GRIP1: variants seen among roughly 807,000 people sequenced by gnomAD.
GRIP1 encodes glutamate receptor-interacting protein 1.
GRIP1 carries 45 observed loss-of-function variants against 129.9 expected under a neutral mutation model. The observed-to-expected ratio is 0.35, with a 90% confidence interval of 0.27 to 0.44. The LOEUF is 0.44. GRIP1 is among the 20% of genes least tolerant of loss of function. The pLI, the probability that GRIP1 is intolerant of heterozygous loss-of-function variation, is 1.00. For synonymous variants in GRIP1, 530 were observed against 520.8 expected, an observed-to-expected ratio of 1.02 and a Z score of -0.24; for missense variants, 1,196 against 1,396.8, an observed-to-expected ratio of 0.86 and a Z score of 2.29.
rs141175058 is a variant in GRIP1 at position 66,446,574 on chromosome 12, C to A, written c.1355-1066G>T. Among the ~76,000 whole-genome samples, 137 of 152,308 alleles carry A rather than the reference C, an allele frequency of 9.0e-4. 1 individual carries two copies. Among genetic ancestry groups the A allele is most frequent in the African/African-American group, 3.2e-3 (131 of 41,562 alleles). On this transcript the variant is annotated intron_variant, in intron 11 of 24. Coordinates refer to ENST00000359742, the MANE Select transcript of GRIP1 (RefSeq NM_001366722.1). ...CTACTCCTATTTAAAATTCCATATTCTGTACTTATTTCTGCTCTGTCTCAT... is the reference window on the plus strand; with the variant it reads ...CTACTCCTATTTAAAATTCCATATTATGTACTTATTTCTGCTCTGTCTCAT...
At chr12:66,650,253 TG>T (rs75370843) in intron 1 of GRIP1, among the ~76,000 whole-genome samples, 6,787 of 152,234 alleles carry the variant, frequency 0.045, 200 homozygotes, top group East Asian at 0.12. Flanking sequence ...AAAGATCTTA[TG>T]GGCCCAAGTC....
At chr12:66,353,157 A>G (rs1168314) in intron 24 of GRIP1, among the ~76,000 whole-genome samples, 76,539 of 151,880 alleles carry the variant, frequency 0.5, 19,836 homozygotes, top group East Asian at 0.58. Flanking sequence ...GTTGGGTGAA[A>G]TCTGTGAGAT....
chr12:66,536,379 C>A (rs1388938266), intron 4 of GRIP1, among the ~76,000 whole-genome samples: 1 of 152,126 alleles, frequency 6.6e-6, no homozygotes, highest in Non-Finnish European at 1.5e-5. Flanking sequence ...TATAGTGATA[C>A]CCCACCCCCT....
chr12:66,714,363 T>A (rs1477949715), intron 1 of GRIP1, among the ~76,000 whole-genome samples: 1 of 152,018 alleles, frequency 6.6e-6, no homozygotes, highest in Non-Finnish European at 1.5e-5. Flanking sequence ...ACTATAAGAG[T>A]TAATGGAAAT....
chr12:66,801,901 C>T (rs1368394476), intron 1 of GRIP1, among the ~76,000 whole-genome samples: 2 of 152,106 alleles, frequency 1.3e-5, no homozygotes, highest in African/African-American at 4.8e-5. Flanking sequence ...TCGAGAAACA[C>T]ATGGGGTATA....
intron 1 of GRIP1, among the ~76,000 whole-genome samples, chr12:66,895,478 T>C (rs2040732061): frequency 6.6e-6 from 1 of 152,160 alleles, no homozygotes; most frequent in African/African-American, 2.4e-5. Flanking sequence ...CAGCCTCAGG[T>C]ATCTCTTGTA....
chr12:66,710,076 C>T (rs567531643), intron 1 of GRIP1, among the ~76,000 whole-genome samples: 8 of 152,030 alleles, frequency 5.3e-5, no homozygotes, highest in African/African-American at 1.9e-4. Context: ...CAATGGTTGC[C>T]AGGTTGCTCT....
At chr12:67,007,891 C>A (rs990160128) in intron 1 of GRIP1, among the ~76,000 whole-genome samples, 6 of 152,108 alleles carry the variant, frequency 3.9e-5, no homozygotes, top group Non-Finnish European at 4.4e-5. Flanking sequence ...TGTGCATCAA[C>A]ATCTCTGAAA....
At chr12:67,038,920 C>T (rs1224079662) in intron 1 of GRIP1, among the ~76,000 whole-genome samples, 1 of 152,112 alleles carries the variant, frequency 6.6e-6, no homozygotes, top group Non-Finnish European at 1.5e-5. Context: ...TATACACATG[C>T]CCTAAAGTAC....
intron 1 of GRIP1, among the ~76,000 whole-genome samples, chr12:66,943,627 A>G (rs1279821133): frequency 6.6e-6 from 1 of 152,244 alleles, no homozygotes; most frequent in African/African-American, 2.4e-5. Context: ...GCAGCATTGC[A>G]GTAAGTACAT....
intron 2 of GRIP1, chr12:66,568,369 C>A (rs537447519): frequency 8.0e-4 from 136 of 169,066 alleles, no homozygotes; most frequent in African/African-American, 3.1e-3. Flanking sequence ...TAAAAGAGAT[C>A]CTCTTTCAAG....
intron 1 of GRIP1, among the ~76,000 whole-genome samples, chr12:66,842,248 T>G (rs570461070): frequency 6.6e-6 from 1 of 152,246 alleles, no homozygotes; most frequent in South Asian, 2.1e-4. Context: ...ACTCATATAA[T>G]CAAGATCTTA....
Position 66,383,296 on chromosome 12 carries a change from CAAA to C in GRIP1, c.2465-3863_2465-3861del, listed in dbSNP as rs1285686674. Among the ~76,000 whole-genome samples the C allele has an allele frequency of 2.9e-3, 323 of 111,174 alleles. 5 individuals carry two copies. The highest frequency in any genetic ancestry group is 9.4e-3 in the African/African-American group (296 of 31,326). The allele number at this position is 111,174 out of a possible 152,430, so 72.9% of individuals were successfully genotyped here. A position where few individuals can be genotyped will look rare whatever the true frequency, so the allele number is the denominator to read the frequency against. On this transcript the variant is annotated intron_variant, in intron 19 of 24. Coordinates refer to ENST00000359742, the MANE Select transcript of GRIP1 (RefSeq NM_001366722.1). ...TGGGCGACAGAGCGACACTCTGTCTCAAAAACAACAACAACAACAACAACAACA... is the reference window on the plus strand; with the variant it reads ...TGGGCGACAGAGCGACACTCTGTCTCAACAACAACAACAACAACAACAACA...
At chr12:66,895,373 C>T (rs996468363) in intron 1 of GRIP1, among the ~76,000 whole-genome samples, 1 of 152,128 alleles carries the variant, frequency 6.6e-6, no homozygotes, top group Non-Finnish European at 1.5e-5. Context: ...GTAAGATATG[C>T]CTTTGCTCCT....
intron 1 of GRIP1, among the ~76,000 whole-genome samples, chr12:66,757,371 A>C (rs978497420): frequency 1.3e-5 from 2 of 152,112 alleles, no homozygotes; most frequent in African/African-American, 2.4e-5. Flanking sequence ...ACTTAACATA[A>C]TGACCTTCAG....
At chr12:66,919,941 T>A (rs949214253) in intron 1 of GRIP1, among the ~76,000 whole-genome samples, 4 of 152,138 alleles carry the variant, frequency 2.6e-5, no homozygotes, top group African/African-American at 9.7e-5. Context: ...ATATATTATA[T>A]AATCAATTTA....
intron 1 of GRIP1, among the ~76,000 whole-genome samples, chr12:66,859,641 A>G (rs938441227): frequency 4.6e-5 from 7 of 152,040 alleles, no homozygotes; most frequent in Non-Finnish European, 8.8e-5. Flanking sequence ...TCATCAAATG[A>G]ACTTAGACAA....
chr12:66,878,385 A>G (rs1045833544), intron 1 of GRIP1, among the ~76,000 whole-genome samples: 1 of 152,020 alleles, frequency 6.6e-6, no homozygotes, highest in Non-Finnish European at 1.5e-5. Context: ...TTGAAGAAAA[A>G]GAAGAGCTTT....
chr12:67,043,817 T>C (rs2043213973), intron 1 of GRIP1, among the ~76,000 whole-genome samples: 1 of 152,236 alleles, frequency 6.6e-6, no homozygotes, highest in Non-Finnish European at 1.5e-5. Flanking sequence ...ATTTATTACT[T>C]AGTTATGCTG....
Sources: gnomAD v4.1 joint callset for allele counts (sites outside exome capture counted in the v4.1 genomes callset) on GRCh38, gnomAD v4.1.1 for gene constraint, MANE v1.5 for transcripts, NCBI Gene and HGNC (gene_info 2026-07-23, HGNC 2026-07-21) for gene names.